Variants in HDAC2 observed in about 807,000 individuals in gnomAD.
HDAC2 encodes the protein YY1-associated factor 1.
A neutral mutation model predicts 68.5 loss-of-function variants in HDAC2; 5 were observed. The observed-to-expected ratio is 0.07, with a 90% CI of 0.04 to 0.15. The LOEUF is 0.15. Among genes scored for constraint, HDAC2 ranks in the 10% least tolerant of loss-of-function variants. HDAC2 has a pLI of 1.00. For missense variants in HDAC2, 291 were observed against 600.8 expected (o/e 0.48, Z 5.39); for synonymous variants, 182 against 191.3 (o/e 0.95, Z 0.40).
chr6:113,954,534 AAAG>A (rs1776501656), intron 5 of HDAC2, among the ~76,000 whole-genome samples: 1 of 152,280 alleles, frequency 6.6e-6, no homozygotes, highest in African/African-American at 2.4e-5. Context: ...CAGACAAATT[AAAG>A]TTGTTTAAAA....
chr6:113,948,491 C>CTCCT (rs1381995483), intron 8 of HDAC2: 2 of 152,744 alleles, frequency 1.3e-5, no homozygotes, highest in African/African-American at 4.8e-5. Flanking sequence ...AACTTAGGAA[C>CTCCT]AATTATGCAG....
chr6:113,960,714 C>T (rs1776663501), intron 1 of HDAC2, among the ~76,000 whole-genome samples: 1 of 152,044 alleles, frequency 6.6e-6, no homozygotes, highest in South Asian at 2.1e-4. Flanking sequence ...CACAGATTTT[C>T]ATCAACTAAA....
chr6:113,950,559 AT>A (rs202015818), intron 6 of HDAC2, among the ~76,000 whole-genome samples: 12,823 of 151,104 alleles, frequency 0.085, 693 homozygotes, highest in East Asian at 0.28. Context: ...CACCCAGCTA[AT>A]TTTTTTTGCA....
At chr6:113,970,382 G>C (rs1352132857) in intron 1 of HDAC2, 1 of 883,488 alleles carries the variant, frequency 1.1e-6, no homozygotes, top group Non-Finnish European at 1.4e-6. Flanking sequence ...GAGCTCTCGC[G>C]GCCGCGGGGC....
chr6:113,950,720 C>T (rs1253247673), intron 6 of HDAC2, among the ~76,000 whole-genome samples: 1 of 149,824 alleles, frequency 6.7e-6, no homozygotes, highest in Non-Finnish European at 1.5e-5. Context: ...GTGCCTAATT[C>T]TTATGTGCGT....
chr6:113,953,629 T>C (rs1776473763), intron 5 of HDAC2, among the ~76,000 whole-genome samples: 1 of 152,206 alleles, frequency 6.6e-6, no homozygotes, highest in Non-Finnish European at 1.5e-5. Context: ...TTAAAAAATA[T>C]ATATTTACTC....
At chr6:113,964,738 C>A (rs965509833) in intron 1 of HDAC2, among the ~76,000 whole-genome samples, 12 of 152,110 alleles carry the variant, frequency 7.9e-5, no homozygotes, top group Non-Finnish European at 1.8e-4. Flanking sequence ...CAGAGGTTAA[C>A]TCTCTTCTCA....
intron 1 of HDAC2, among the ~76,000 whole-genome samples, chr6:113,962,638 C>A (rs1023576486): frequency 6.6e-5 from 10 of 152,154 alleles, no homozygotes; most frequent in Non-Finnish European, 1.0e-4. Context: ...GTATACAGGG[C>A]AGCCAAGCTA....
intron 2 of HDAC2, among the ~76,000 whole-genome samples, chr6:113,959,317 T>C (rs1490437954): frequency 4.6e-5 from 7 of 152,092 alleles, no homozygotes; most frequent in Non-Finnish European, 8.8e-5. Context: ...CATATTCACA[T>C]ATATTGCCTA....
In HDAC2 at chr6:113,970,555, G is replaced by A. The variant is rs1400413531; in HGVS notation, c.52+302C>T. 9 of 1,232,352 alleles carry A rather than the reference G, an allele frequency of 7.3e-6. No homozygotes were observed. The Middle Eastern group carries it at 9.4e-4, about 129-fold the overall frequency. 76.3% of individuals were successfully genotyped at this position (1,232,352 alleles called of 1,614,324 possible). The stretch of plus-strand genomic sequence containing the variant: ...CTTCGCCGCCGCCACCACCAAGGCG[G>A]GGTAGGCCGGCGCCGTCCCCAGCGG... On this transcript the variant is annotated intron_variant, in intron 1 of 13. Coordinates refer to ENST00000519065, the MANE Select transcript of HDAC2 (RefSeq NM_001527.4).
Position 113,935,146 on chromosome 6 carries a change from C to T in HDAC2, c.*5912G>A, listed in dbSNP as rs2114576846. 6.6e-6 allele frequency: 1 copy of T among 152,296 alleles called. No homozygotes were observed. Among genetic ancestry groups the T allele is most frequent in the Middle Eastern group, 3.4e-3 (1 of 294 alleles). The allele number at this position is 152,296 out of a possible 1,614,324, so 9.4% of individuals were successfully genotyped here. ...TGCCCTCTTAAGCCCCTTAATTTCA[C>T]CTAGTCTAGCCAAAGGCAACACAAG... On this transcript the variant is annotated 3_prime_UTR_variant, in exon 14 of 14. Coordinates refer to ENST00000519065, the MANE Select transcript of HDAC2 (RefSeq NM_001527.4).
At chr6:113,950,227 ATACT>A (rs560488163) in intron 6 of HDAC2, among the ~76,000 whole-genome samples, 1,689 of 152,262 alleles carry the variant, frequency 0.011, 20 homozygotes, top group African/African-American at 0.034. Flanking sequence ...TATATTATAT[ATACT>A]TACTTATTTG....
Position 113,947,769 on chromosome 6 carries a change from A to T in HDAC2, c.841+1210T>A, listed in dbSNP as rs554113566. 2.0e-5 allele frequency: 3 copies of T among 152,298 alleles called. No individual in the cohort carries two copies. The South Asian group carries it at 6.2e-4, about 32-fold the overall frequency. 9.4% of individuals were successfully genotyped at this position (152,298 alleles called of 1,614,324 possible). A position where few individuals can be genotyped will look rare whatever the true frequency, so the allele number is the denominator to read the frequency against. On this transcript the variant is annotated intron_variant, in intron 8 of 13. Transcript: ENST00000519065. The stretch of plus-strand genomic sequence containing the variant: ...TTTAATATCATTCCACTTAACATAG[A>T]ATAACAGATTATACCATAATTCTAA...
At position 113,941,005 on chromosome 6, in the gene HDAC2, C is replaced by A; in HGVS notation, c.*53G>T. ...GAAGTCTTCAAAAAGAAAACATTTT[C>A]CTTTCAATATTTTCTTTTTAATGAT... On this transcript the variant is annotated 3_prime_UTR_variant, in exon 14 of 14. Transcript: ENST00000519065. 7.1e-7 allele frequency: 1 copy of A among 1,402,070 alleles called. No individual in the cohort carries two copies. The highest frequency in any genetic ancestry group is 1.0e-6 in the Non-Finnish European group (1 of 996,626). The allele number at this position is 1,402,070 out of a possible 1,614,324, so 86.9% of individuals were successfully genotyped here.
intron 6 of HDAC2, among the ~76,000 whole-genome samples, chr6:113,950,196 T>C (rs1245302684): frequency 6.6e-6 from 1 of 152,142 alleles, no homozygotes; most frequent in Non-Finnish European, 1.5e-5. Flanking sequence ...CAGCTACATA[T>C]ACTCTTAAAT....
chr6:113,970,282 A>G (rs1776951218), intron 1 of HDAC2: 3 of 203,706 alleles, frequency 1.5e-5, no homozygotes, highest in Admixed American at 6.5e-5. Flanking sequence ...GGAAAGGGTA[A>G]GCCGAGGAAG....
In HDAC2 at chr6:113,950,954, TTAAC is replaced by T. The variant is rs200083111; in HGVS notation, c.640-1698_640-1695del. 8.6e-3 allele frequency among the ~76,000 whole-genome samples: 1,315 copies of T among 152,270 alleles called. 13 individuals carry two copies. The highest frequency in any genetic ancestry group is 0.029 in the African/African-American group (1,194 of 41,554). ...CTTGAAGTCTAAGTTTTTATTAAGA[TTAAC>T]TAAATACAAACCATACAAATATGGA... On this transcript the variant is annotated intron_variant, in intron 6 of 13. Coordinates refer to ENST00000519065, the MANE Select transcript of HDAC2 (RefSeq NM_001527.4).
Position 113,968,139 on chromosome 6 carries a change from G to GC in HDAC2, c.52+2717dup, listed in dbSNP as rs1776868147. ...GCCAAGAGGCTCCGTGTGCCTAACA[G>GC]CCCCAGGAAGCCTAAAGGTAGGATT... On this transcript the variant is annotated intron_variant, in intron 1 of 13. Coordinates refer to ENST00000519065, the MANE Select transcript of HDAC2 (RefSeq NM_001527.4). 2.0e-5 allele frequency among the ~76,000 whole-genome samples: 3 copies of GC among 152,166 alleles called. No homozygotes were observed. The South Asian group carries it at 6.2e-4, about 32-fold the overall frequency.
intron 1 of HDAC2, chr6:113,970,402 A>C: frequency 2.1e-6 from 2 of 972,866 alleles, no homozygotes; most frequent in Non-Finnish European, 2.5e-6. Flanking sequence ...CTTTGTGTAG[A>C]GTCAAGGCCG....
Sources: allele counts gnomAD v4.1 joint callset (sites outside exome capture counted in the v4.1 genomes callset), GRCh38; gene constraint gnomAD v4.1.1; transcripts MANE v1.5; gene names NCBI Gene and HGNC (gene_info 2026-07-23, HGNC 2026-07-21).